Variants in COL25A1 observed in about 807,000 individuals in gnomAD.
The protein encoded by COL25A1 is collagen alpha-1(XXV) chain.
In COL25A1, 103 loss-of-function variants were observed where a neutral mutation model predicts 128.4. That is an observed-to-expected ratio of 0.80 (90% confidence interval 0.68 to 0.94). The LOEUF is 0.94. Ranked by LOEUF, COL25A1 falls within the 40% of genes least tolerant of loss-of-function variation. The pLI is 0.00. For missense variants in COL25A1, 745 were observed against 840.0 expected, an observed-to-expected ratio of 0.89 and a Z score of 1.40; for synonymous variants, 279 against 277.2, an observed-to-expected ratio of 1.01 and a Z score of -0.06.
At chr4:108,884,041 A>T in intron 19 of COL25A1, 137 bp downstream of exon 19, 1 of 682,310 alleles carries the variant, frequency 1.5e-6, no homozygotes, top group Non-Finnish European at 2.4e-6. Context: ...TTAAAAATTT[A>T]GTTAGTTGAG....
At chr4:109,065,574 G>A (rs931485262) in intron 3 of COL25A1, among the ~76,000 whole-genome samples, 17 of 151,844 alleles carry the variant, frequency 1.1e-4, no homozygotes, top group Non-Finnish European at 1.6e-4. Flanking sequence ...GTGTGTGTGT[G>A]TGTGTGTGCA....
At chr4:108,930,882 T>G (rs1195421090) in intron 11 of COL25A1, among the ~76,000 whole-genome samples, 1 of 152,232 alleles carries the variant, frequency 6.6e-6, no homozygotes, top group Non-Finnish European at 1.5e-5. Flanking sequence ...GCCCTAAAAC[T>G]TGTACATTTG....
intron 11 of COL25A1, among the ~76,000 whole-genome samples, chr4:108,926,438 T>G (rs2125908629): frequency 6.6e-6 from 1 of 152,290 alleles, no homozygotes; most frequent in African/African-American, 2.4e-5. Context: ...ATTAAGCCAT[T>G]TAAAATTATT....
chr4:109,225,782 T>C (rs1778759064), intron 3 of COL25A1, among the ~76,000 whole-genome samples: 1 of 152,024 alleles, frequency 6.6e-6, no homozygotes, highest in African/African-American at 2.4e-5. Flanking sequence ...TATCTGTTTA[T>C]ATACATACAT....
At chr4:109,291,533 A>G (rs1025259697) in intron 3 of COL25A1, among the ~76,000 whole-genome samples, 1 of 152,114 alleles carries the variant, frequency 6.6e-6, no homozygotes, top group South Asian at 2.1e-4. Flanking sequence ...TATAAATAAC[A>G]TAATTTAGGG....
chr4:109,123,995 C>A (rs531038005), intron 3 of COL25A1, among the ~76,000 whole-genome samples: 1 of 152,196 alleles, frequency 6.6e-6, no homozygotes, highest in South Asian at 2.1e-4. Flanking sequence ...AAACTTTTCA[C>A]TAATGACTTT....
chr4:109,220,281 C>T (rs975877849), intron 3 of COL25A1, among the ~76,000 whole-genome samples: 1 of 152,158 alleles, frequency 6.6e-6, no homozygotes, highest in Non-Finnish European at 1.5e-5. Context: ...CTTCAGTGAA[C>T]GCATATTTCT....
At chr4:108,836,177 C>G (rs1044072618) in intron 31 of COL25A1, among the ~76,000 whole-genome samples, 1 of 151,932 alleles carries the variant, frequency 6.6e-6, no homozygotes, top group African/African-American at 2.4e-5. Context: ...GCCTTACATA[C>G]GTCTTTTGTT....
intron 11 of COL25A1, among the ~76,000 whole-genome samples, chr4:108,936,009 G>A (rs895066239): frequency 1.3e-5 from 2 of 152,092 alleles, no homozygotes; most frequent in African/African-American, 4.8e-5. Flanking sequence ...CATAGCTTTC[G>A]ATATAAGAAT....
At chr4:109,250,134 G>A (rs961901247) in intron 3 of COL25A1, among the ~76,000 whole-genome samples, 13 of 151,892 alleles carry the variant, frequency 8.6e-5, no homozygotes, top group Non-Finnish European at 1.3e-4. Context: ...TTTGTCCTGG[G>A]GTAACAAATT....
At chr4:109,029,955 C>T (rs1354038773) in intron 5 of COL25A1, among the ~76,000 whole-genome samples, 1 of 152,134 alleles carries the variant, frequency 6.6e-6, no homozygotes, top group Non-Finnish European at 1.5e-5. Context: ...AGATAAAGAA[C>T]CTAAATCTAT....
chr4:109,276,811 T>C (rs892189227), intron 3 of COL25A1, among the ~76,000 whole-genome samples: 4 of 152,164 alleles, frequency 2.6e-5, no homozygotes, highest in Non-Finnish European at 5.9e-5. Context: ...ATTCTCTTAT[T>C]TTCAACAGAA....
At chr4:109,295,367 G>A (rs191568389) in intron 3 of COL25A1, among the ~76,000 whole-genome samples, 12 of 152,162 alleles carry the variant, frequency 7.9e-5, no homozygotes, top group Non-Finnish European at 7.4e-5. Flanking sequence ...TAACATGGAT[G>A]CTTGAAGGCA....
At chr4:109,089,402 C>G (rs1183998156) in intron 3 of COL25A1, among the ~76,000 whole-genome samples, 3 of 152,110 alleles carry the variant, frequency 2.0e-5, no homozygotes, top group African/African-American at 7.2e-5. Context: ...ATAATAGCTT[C>G]TCTTCTGCTA....
chr4:109,164,806 T>C (rs532368681), intron 3 of COL25A1, among the ~76,000 whole-genome samples: 3 of 152,330 alleles, frequency 2.0e-5, no homozygotes, highest in Admixed American at 2.0e-4. Context: ...CTTTATGATA[T>C]TGATTAACAA....
intron 24 of COL25A1, among the ~76,000 whole-genome samples, chr4:108,853,395 CGT>C (rs10678976): frequency 6.6e-6 from 1 of 151,268 alleles, no homozygotes; most frequent in East Asian, 1.9e-4. Flanking sequence ...TGTGTGTGTG[CGT>C]GTGTGTGTGC....
At chr4:109,166,741 G>A (rs925710963) in intron 3 of COL25A1, among the ~76,000 whole-genome samples, 2 of 152,160 alleles carry the variant, frequency 1.3e-5, no homozygotes, top group Admixed American at 6.5e-5. Context: ...TTGCCATTGT[G>A]TTTCTCTCTG....
At chr4:108,865,829 C>T (rs1230286009) in intron 20 of COL25A1, among the ~76,000 whole-genome samples, 1 of 152,174 alleles carries the variant, frequency 6.6e-6, no homozygotes, top group Non-Finnish European at 1.5e-5. Flanking sequence ...TATTCACAGG[C>T]ACTATCATAG....
intron 22 of COL25A1, among the ~76,000 whole-genome samples, chr4:108,861,982 A>AT (rs912617741): frequency 1.1e-4 from 16 of 152,104 alleles, no homozygotes; most frequent in Admixed American, 2.0e-4. Flanking sequence ...TCTTGCACAC[A>AT]TTTTTTTCCA....
Sources: allele counts gnomAD v4.1 joint callset (sites outside exome capture counted in the v4.1 genomes callset), GRCh38; gene constraint gnomAD v4.1.1; transcripts MANE v1.5; gene names NCBI Gene and HGNC (gene_info 2026-07-23, HGNC 2026-07-21).